GSTA2: variants seen among roughly 807,000 people sequenced by gnomAD.
The protein encoded by GSTA2 is glutathione S-transferase A2.
In GSTA2, 27 loss-of-function variants were observed where a neutral mutation model predicts 22.4. That is an observed-to-expected ratio of 1.21 (90% confidence interval 0.89 to 1.67). GSTA2 has a LOEUF of 1.67. Ranked by LOEUF, GSTA2 falls within the 40% of genes most tolerant of loss-of-function variation. The pLI, the probability that GSTA2 is intolerant of heterozygous loss-of-function variation, is 0.00. For missense variants in GSTA2, 302 were observed against 260.2 expected, an observed-to-expected ratio of 1.16 and a Z score of -1.11; for synonymous variants, 121 against 86.8, an observed-to-expected ratio of 1.39 and a Z score of -2.19.
intron 1 of GSTA2, among the ~76,000 whole-genome samples, chr6:52,759,808 G>A (rs548393551): frequency 5.9e-5 from 9 of 151,786 alleles, no homozygotes; most frequent in Non-Finnish European, 1.2e-4. Flanking sequence ...GGTCTCGAAA[G>A]TCTGACCCCA....
chr6:52,759,563 G>A (rs1478772570), intron 1 of GSTA2, among the ~76,000 whole-genome samples: 9 of 34,164 alleles, frequency 2.6e-4, no homozygotes, highest in South Asian at 3.4e-3. Flanking sequence ...GTATTTATTT[G>A]TTTTTTTTTT....
intron 6 of GSTA2, among the ~76,000 whole-genome samples, chr6:52,751,350 A>G (rs1762731856): frequency 6.6e-6 from 1 of 152,180 alleles, no homozygotes; most frequent in Non-Finnish European, 1.5e-5. Context: ...TCCATAATAA[A>G]AGGCAAAATA....
chr6:52,758,894 G>A (rs945992342), intron 1 of GSTA2, among the ~76,000 whole-genome samples: 1 of 152,082 alleles, frequency 6.6e-6, no homozygotes, highest in African/African-American at 2.4e-5. Context: ...AATTACCTAA[G>A]GTTAATGTGG....
At chr6:52,756,078 C>T (rs1307347758) in intron 3 of GSTA2, among the ~76,000 whole-genome samples, 180 bp downstream of exon 3, 1 of 152,088 alleles carries the variant, frequency 6.6e-6, no homozygotes, top group Admixed American at 6.6e-5. Context: ...GTCCTTTAAG[C>T]CTGGAGAGAG....
At chr6:52,755,176 A>C (rs1762817127) in intron 3 of GSTA2, 101 bp from the exon 4 acceptor site, 7 of 1,509,072 alleles carry the variant, frequency 4.6e-6, no homozygotes, top group South Asian at 2.5e-5. Flanking sequence ...TGTAAAACGA[A>C]AAAGAAATTA....
At chr6:52,759,572 T>TG (rs1348016177) in intron 1 of GSTA2, among the ~76,000 whole-genome samples, 1,183 of 52,332 alleles carry the variant, frequency 0.023, 73 homozygotes, top group African/African-American at 0.097. Context: ...TGTTTTTTTT[T>TG]TTTTTTTTTT....
At chr6:52,754,368 G>T (rs1328129622) in intron 4 of GSTA2, among the ~76,000 whole-genome samples, 1 of 152,190 alleles carries the variant, frequency 6.6e-6, no homozygotes, top group Non-Finnish European at 1.5e-5. Flanking sequence ...CCTTGGCTTT[G>T]CTGGTATTGA....
intron 1 of GSTA2, among the ~76,000 whole-genome samples, chr6:52,759,430 C>G (rs1255004167): frequency 2.0e-5 from 3 of 152,066 alleles, no homozygotes; most frequent in African/African-American, 7.2e-5. Context: ...AGTGCCAGGA[C>G]TTAGGAATAG....
intron 1 of GSTA2, among the ~76,000 whole-genome samples, chr6:52,761,032 G>C (rs1334664904): frequency 6.6e-6 from 1 of 152,192 alleles, no homozygotes. Context: ...GGGAGAATGA[G>C]ATAAACCATG....
rs541904401 is a variant in GSTA2 at position 52,757,910 on chromosome 6, C to T, written c.38G>A (p.Arg13Gln). 1.3e-5 allele frequency: 21 copies of T among 1,613,678 alleles called. No homozygotes were observed. The highest frequency in any genetic ancestry group is 4.0e-5 in the African/African-American group (3 of 74,992). ...EKPKLHYSNIRGRMESIRWLL... is the reference protein window; with the variant it reads ...EKPKLHYSNIQGRMESIRWLL... ...CCACCGGATGGACTCCATTCTGCCCCGTATATTGGAGTAGTGGAGCTTGGG... is the reference window on the plus strand; with the variant it reads ...CCACCGGATGGACTCCATTCTGCCCTGTATATTGGAGTAGTGGAGCTTGGG... The change falls in exon 2 of 7, where the codon CGG becomes CAG. Residue 13 changes from arginine to glutamine, a missense_variant. Physicochemically the swap from Arg to Gln is conservative, Grantham distance 43 (BLOSUM62 1). Transcript: ENST00000493422.
At chr6:52,754,820 C>T (rs1762810047) in intron 4 of GSTA2, 123 bp downstream of exon 4, 17 of 1,267,090 alleles carry the variant, frequency 1.3e-5, no homozygotes, top group African/African-American at 3.0e-5. Context: ...TGGACCTCAG[C>T]GTGCATGCCC....
In GSTA2 at chr6:52,752,966, T is replaced by G. The variant is rs1762772517; in HGVS notation, c.302A>C (p.Asp101Ala). The G allele has an allele frequency of 1.2e-6, 2 of 1,613,338 alleles. No individual in the cohort carries two copies. Among genetic ancestry groups the G allele is most frequent in the Non-Finnish European group, 1.7e-6 (2 of 1,179,510 alleles). ...CAGAAGAAGGATCATTTCACCCAAA[T>G]CTGCTATACCTTCTATATACATATC... ...LIDMYIEGIADLGEMILLLPF... is the reference protein window; with the variant it reads ...LIDMYIEGIAALGEMILLLPF... Residue 101 changes from aspartate to alanine, a missense_variant, in exon 5 of 7, where the codon GAT (aspartate) becomes GCT (alanine). Asp to Ala is a moderately radical substitution (Grantham distance 126, BLOSUM62 -2). Coordinates refer to ENST00000493422, the MANE Select transcript of GSTA2 (RefSeq NM_000846.5).
chr6:52,753,373 A>G (rs138070173), intron 4 of GSTA2, among the ~76,000 whole-genome samples: 7 of 152,316 alleles, frequency 4.6e-5, no homozygotes, highest in Admixed American at 4.6e-4. Context: ...TGTTCTGTGC[A>G]TGAACTTAGT....
At chr6:52,755,597 T>A (rs999163450) in intron 3 of GSTA2, among the ~76,000 whole-genome samples, 6 of 152,150 alleles carry the variant, frequency 3.9e-5, no homozygotes, top group Non-Finnish European at 7.4e-5. Flanking sequence ...TTCATATATG[T>A]TTTTGTTGCC....
At chr6:52,754,874 A>G in intron 4 of GSTA2, 69 bp downstream of exon 4, 4 of 1,600,830 alleles carry the variant, frequency 2.5e-6, no homozygotes, top group Non-Finnish European at 3.4e-6. Context: ...CCATGGTCCC[A>G]CCCACTCAAG....
chr6:52,756,903 G>T (rs1406188566), intron 2 of GSTA2, among the ~76,000 whole-genome samples: 1 of 151,890 alleles, frequency 6.6e-6, no homozygotes, highest in Non-Finnish European at 1.5e-5. Flanking sequence ...AGGAATTAGG[G>T]TCCCACACTA....
chr6:52,755,843 C>G (rs1397860573), intron 3 of GSTA2, among the ~76,000 whole-genome samples: 1 of 151,826 alleles, frequency 6.6e-6, no homozygotes, highest in Non-Finnish European at 1.5e-5. Context: ...ACAGTGTTAC[C>G]CAGTCCCACT....
intron 3 of GSTA2, 112 bp from the exon 4 acceptor site, chr6:52,755,187 C>A: frequency 7.1e-7 from 1 of 1,400,058 alleles, no homozygotes; most frequent in Non-Finnish European, 9.8e-7. Context: ...AAAGAAATTA[C>A]TGCCTGGTAA....
intron 1 of GSTA2, among the ~76,000 whole-genome samples, chr6:52,761,167 A>G (rs756023216): frequency 6.6e-6 from 1 of 152,182 alleles, no homozygotes; most frequent in African/African-American, 2.4e-5. Flanking sequence ...TAAATGAGAT[A>G]ATGTAGAAAA....
Sources: gnomAD v4.1 joint callset for allele counts (sites outside exome capture counted in the v4.1 genomes callset) on GRCh38, gnomAD v4.1.1 for gene constraint, MANE v1.5 for transcripts, NCBI Gene and HGNC (gene_info 2026-07-23, HGNC 2026-07-21) for gene names.